Variants in ACER3 observed in about 807,000 individuals in gnomAD.
The protein encoded by ACER3 is alkCDase 3.
Under a neutral mutation model 48.9 loss-of-function variants are expected in ACER3, and 16 were observed. The ratio of observed to expected loss-of-function variants is 0.33; its 90% CI spans 0.22 to 0.50. ACER3 has a LOEUF of 0.50. Among genes scored for constraint, ACER3 ranks in the 20% least tolerant of loss-of-function variants. The probability of loss-of-function intolerance (pLI) is 0.98; values close to 1 mark genes in which losing one functional copy is unlikely to be tolerated. For missense variants in ACER3, 227 were observed against 326.0 expected (o/e 0.70, Z 2.34); for synonymous variants, 109 against 107.8 (o/e 1.01, Z -0.07).
intron 1 of ACER3, 88 bp downstream of exon 1, chr11:76,861,167 C>G: frequency 1.5e-6 from 2 of 1,309,200 alleles, no homozygotes; most frequent in Non-Finnish European, 2.1e-6. Context: ...CGAACCTGGC[C>G]GCGAAGGGAG....
At chr11:76,874,067 G>T (rs1945307450) in intron 1 of ACER3, among the ~76,000 whole-genome samples, 1 of 152,156 alleles carries the variant, frequency 6.6e-6, no homozygotes, top group South Asian at 2.1e-4. Flanking sequence ...CCAGCAAAAT[G>T]ATAGATCCAA....
At chr11:76,991,246 A>C (rs980062707) in intron 6 of ACER3, among the ~76,000 whole-genome samples, 9 of 152,228 alleles carry the variant, frequency 5.9e-5, no homozygotes, top group Non-Finnish European at 8.8e-5. Flanking sequence ...CCAGGATTAT[A>C]ACCTAGATTT....
Position 77,023,004 on chromosome 11 carries a change from T to C in ACER3, c.*2677T>C. ...AAAACTGAAAGCAATTTGACTTTTA[T>C]TTTTGTTTTTCTAAAGAACAGCTAG... is the stretch of plus-strand genomic sequence containing the variant. On this transcript the variant is annotated 3_prime_UTR_variant, in exon 11 of 11. Coordinates refer to ENST00000532485, the MANE Select transcript of ACER3 (RefSeq NM_018367.7). 2.5e-6 allele frequency: 1 copy of C among 397,412 alleles called. No individual in the cohort carries two copies. The highest frequency in any genetic ancestry group is 4.4e-6 in the Non-Finnish European group (1 of 225,520). 24.6% of individuals were successfully genotyped at this position (397,412 alleles called of 1,614,324 possible).
chr11:76,938,118 A>G (rs1275692863), intron 2 of ACER3, among the ~76,000 whole-genome samples: 1 of 152,042 alleles, frequency 6.6e-6, no homozygotes, highest in Non-Finnish European at 1.5e-5. Flanking sequence ...GGCTCAAACA[A>G]TCCTCCCACC....
intron 1 of ACER3, among the ~76,000 whole-genome samples, chr11:76,862,923 T>C (rs1034520966): frequency 6.6e-6 from 1 of 150,518 alleles, no homozygotes; most frequent in Non-Finnish European, 1.5e-5. Flanking sequence ...TGACTCTTAG[T>C]TTAGAACCAA....
chr11:76,908,811 A>C (rs1946299057), intron 1 of ACER3, among the ~76,000 whole-genome samples: 1 of 152,206 alleles, frequency 6.6e-6, no homozygotes, highest in African/African-American at 2.4e-5. Flanking sequence ...CCATATAGCC[A>C]AGACAATCCT....
rs1203563896 is a variant in ACER3, at chr11:77,025,378, T to C, written c.*5051T>C. 1 of 129,244 alleles carries C rather than the reference T, an allele frequency of 7.7e-6. No individual in the cohort carries two copies. Among genetic ancestry groups the C allele is most frequent in the African/African-American group, 3.4e-5 (1 of 29,820 alleles). 8.0% of individuals were successfully genotyped at this position (129,244 alleles called of 1,614,324 possible). On this transcript the variant is annotated 3_prime_UTR_variant, in exon 11 of 11. Coordinates refer to ENST00000532485, the MANE Select transcript of ACER3 (RefSeq NM_018367.7). ...CTGCAAGGTAAGAATGGTTATTTTA[T>C]TTTATTTTATTCTTTATATATATAT... is the stretch of plus-strand genomic sequence containing the variant.
intron 1 of ACER3, among the ~76,000 whole-genome samples, chr11:76,913,417 A>G (rs1406737730): frequency 2.6e-5 from 4 of 152,298 alleles, no homozygotes; most frequent in South Asian, 2.1e-4. Context: ...TTGAATCGGA[A>G]TAGTGAGAGA....
intron 1 of ACER3, among the ~76,000 whole-genome samples, chr11:76,865,138 AT>A (rs35627838): frequency 0.11 from 13,859 of 128,272 alleles, 2,314 homozygotes; most frequent in African/African-American, 0.37. Flanking sequence ...TGCCCAGCTA[AT>A]TTTTTTTTTT....
intron 7 of ACER3, among the ~76,000 whole-genome samples, chr11:77,013,706 A>G (rs868981516): frequency 6.6e-6 from 1 of 152,190 alleles, no homozygotes. Flanking sequence ...CTGCCATACA[A>G]TACAGCCATT....
chr11:76,951,669 G>A (rs1180641060), intron 2 of ACER3, among the ~76,000 whole-genome samples: 1 of 152,122 alleles, frequency 6.6e-6, no homozygotes, highest in African/African-American at 2.4e-5. Flanking sequence ...TACCAAAGGA[G>A]AAGGGAAAAA....
intron 1 of ACER3, among the ~76,000 whole-genome samples, chr11:76,875,417 A>C (rs1945347804): frequency 6.6e-6 from 1 of 151,876 alleles, no homozygotes; most frequent in Non-Finnish European, 1.5e-5. Context: ...CGCCCGGCCA[A>C]CATTTCATTT....
chr11:76,937,899 C>T (rs894888377), intron 2 of ACER3, among the ~76,000 whole-genome samples: 2 of 152,034 alleles, frequency 1.3e-5, no homozygotes, highest in African/African-American at 4.8e-5. Flanking sequence ...CAAAAGAAAA[C>T]CTCGCTTTCC....
intron 3 of ACER3, among the ~76,000 whole-genome samples, chr11:76,971,154 A>G (rs555096672): frequency 5.3e-5 from 8 of 152,330 alleles, no homozygotes; most frequent in Non-Finnish European, 1.0e-4. Flanking sequence ...AGTATTATGA[A>G]TAATGAATAA....
intron 4 of ACER3, among the ~76,000 whole-genome samples, chr11:76,984,352 A>G (rs1044266054): frequency 1.3e-5 from 2 of 152,244 alleles, no homozygotes; most frequent in South Asian, 4.1e-4. Context: ...AATAGAGTTT[A>G]AAAGTAAAAA....
intron 7 of ACER3, among the ~76,000 whole-genome samples, chr11:77,004,747 G>A (rs1209229038): frequency 1.3e-5 from 2 of 151,978 alleles, no homozygotes; most frequent in Admixed American, 6.6e-5. Context: ...GCATTGTTTC[G>A]ATTAATGTTT....
chr11:76,916,253 A>G (rs1261149482), intron 1 of ACER3, among the ~76,000 whole-genome samples: 1 of 152,206 alleles, frequency 6.6e-6, no homozygotes. Context: ...ACCACATCTG[A>G]AATAATATCT....
chr11:77,007,228 TA>T (rs1949170847), intron 7 of ACER3, among the ~76,000 whole-genome samples: 2 of 152,244 alleles, frequency 1.3e-5, no homozygotes, highest in Non-Finnish European at 2.9e-5. Flanking sequence ...TTTTTATTTT[TA>T]TTTTTTTAAC....
chr11:76,894,140 G>T (rs1017432430), intron 1 of ACER3, among the ~76,000 whole-genome samples: 1 of 152,076 alleles, frequency 6.6e-6, no homozygotes, highest in African/African-American at 2.4e-5. Flanking sequence ...TTAGCTGGGC[G>T]TGGTGGTACA....
Sources: gnomAD v4.1 joint callset for allele counts (sites outside exome capture counted in the v4.1 genomes callset) on GRCh38, gnomAD v4.1.1 for gene constraint, MANE v1.5 for transcripts, NCBI Gene and HGNC (gene_info 2026-07-23, HGNC 2026-07-21) for gene names.